Variants in KIAA1671 observed in about 807,000 individuals in gnomAD.
KIAA1671 encodes the protein KIAA1671.
In KIAA1671, 52 loss-of-function variants were observed where a neutral mutation model predicts 131.2. The observed-to-expected ratio is 0.40, with a 90% CI of 0.32 to 0.50. KIAA1671 has a LOEUF of 0.50. Ranked by LOEUF, KIAA1671 falls within the 20% of genes least tolerant of loss-of-function variation. The probability of loss-of-function intolerance (pLI) is 0.73; values close to 1 mark genes in which losing one functional copy is unlikely to be tolerated. For synonymous variants in KIAA1671, 1,003 were observed against 961.6 expected (o/e 1.04, Z -0.80); for missense variants, 2,360 against 2,364.2 (o/e 1.00, Z 0.04).
At chr22:25,134,541 A>G (rs1932588236) in intron 6 of KIAA1671, among the ~76,000 whole-genome samples, 3 of 152,244 alleles carry the variant, frequency 2.0e-5, no homozygotes, top group Admixed American at 6.5e-5. Context: ...TGGAAATAGT[A>G]GTTAAATGTC....
intron 1 of KIAA1671, among the ~76,000 whole-genome samples, chr22:24,976,497 G>A (rs1023675790): frequency 3.3e-5 from 5 of 152,192 alleles, no homozygotes; most frequent in Non-Finnish European, 7.3e-5. Flanking sequence ...GGCAGCATGG[G>A]GGTCTGTCCA....
chr22:24,970,884 G>C (rs1922578951), intron 1 of KIAA1671, among the ~76,000 whole-genome samples: 1 of 152,142 alleles, frequency 6.6e-6, no homozygotes, highest in African/African-American at 2.4e-5. Flanking sequence ...GACTGAGCCA[G>C]ACCCTGTGCT....
chr22:25,049,472 G>C, intron 6 of KIAA1671, 108 bp downstream of exon 6: 1 of 1,272,258 alleles, frequency 7.9e-7, no homozygotes, highest in Non-Finnish European at 1.1e-6. Context: ...CCCTGACGGG[G>C]TTGAGGGCAG....
intron 6 of KIAA1671, among the ~76,000 whole-genome samples, chr22:25,153,676 A>C (rs1310054775): frequency 6.6e-6 from 1 of 152,190 alleles, no homozygotes; most frequent in East Asian, 1.9e-4. Flanking sequence ...CCTGCCCCAC[A>C]GTGTGTGCTC....
At chr22:25,004,951 G>GA (rs898770443) in intron 1 of KIAA1671, among the ~76,000 whole-genome samples, 12 of 141,448 alleles carry the variant, frequency 8.5e-5, no homozygotes, top group East Asian at 4.1e-4. Flanking sequence ...GTCTCAAAAA[G>GA]AAAAAAAAAA....
At chr22:24,981,879 C>A (rs1390436691) in intron 1 of KIAA1671, among the ~76,000 whole-genome samples, 1 of 152,164 alleles carries the variant, frequency 6.6e-6, no homozygotes, top group Non-Finnish European at 1.5e-5. Context: ...TGCACTCCAG[C>A]GTGGGTGACA....
At chr22:25,144,689 A>G (rs1211508086) in intron 6 of KIAA1671, among the ~76,000 whole-genome samples, 5 of 152,110 alleles carry the variant, frequency 3.3e-5, no homozygotes, top group Non-Finnish European at 7.4e-5. Context: ...TCTTGTCCCC[A>G]TTGTGTAGGT....
intron 9 of KIAA1671, among the ~76,000 whole-genome samples, chr22:25,181,140 TCCC>T: frequency 1.3e-5 from 2 of 151,938 alleles, no homozygotes; most frequent in Non-Finnish European, 1.5e-5. Context: ...TAGAAACTCC[TCCC>T]ATATCACTCC....
intron 12 of KIAA1671, 63 bp downstream of exon 12, chr22:25,190,847 AGG>A (rs907540740): frequency 9.0e-6 from 10 of 1,116,052 alleles, no homozygotes; most frequent in Non-Finnish European, 1.3e-5. Flanking sequence ...TGGGGAACTC[AGG>A]GGGGCCACGC....
intron 2 of KIAA1671, 46 bp from the exon 3 acceptor site, chr22:25,027,899 C>G: frequency 1.1e-6 from 1 of 945,434 alleles, no homozygotes; most frequent in South Asian, 1.8e-5. Flanking sequence ...AACCCAGACA[C>G]TGACTGTTTT....
intron 1 of KIAA1671, among the ~76,000 whole-genome samples, chr22:24,987,981 A>G (rs1923641188): frequency 6.6e-6 from 1 of 152,178 alleles, no homozygotes; most frequent in East Asian, 1.9e-4. Context: ...AGGACTGTCA[A>G]GACTCCTGCC....
intron 6 of KIAA1671, among the ~76,000 whole-genome samples, chr22:25,104,034 A>G (rs573666048): frequency 1.3e-5 from 2 of 152,182 alleles, no homozygotes; most frequent in South Asian, 4.1e-4. Flanking sequence ...GCTGGAGTGC[A>G]GTGGCGCAAT....
At chr22:25,096,864 C>T (rs761862556) in intron 6 of KIAA1671, among the ~76,000 whole-genome samples, 9 of 152,206 alleles carry the variant, frequency 5.9e-5, no homozygotes, top group Non-Finnish European at 1.2e-4. Context: ...GTGAACGGAG[C>T]CGTGCACTCT....
At chr22:25,171,726 AAATAAT>A (rs935556650) in intron 7 of KIAA1671, among the ~76,000 whole-genome samples, 13 of 152,014 alleles carry the variant, frequency 8.6e-5, no homozygotes, top group African/African-American at 2.7e-4. Context: ...GTCTAAAAAA[AAATAAT>A]AATAATAATA....
chr22:25,032,048 C>G (rs1211442510), intron 3 of KIAA1671, among the ~76,000 whole-genome samples: 1 of 152,200 alleles, frequency 6.6e-6, no homozygotes, highest in African/African-American at 2.4e-5. Flanking sequence ...GTGGGGAAAA[C>G]GAGGCCCAAA....
chr22:25,086,812 G>C (rs551497614), intron 6 of KIAA1671, among the ~76,000 whole-genome samples: 2 of 152,322 alleles, frequency 1.3e-5, no homozygotes, highest in African/African-American at 4.8e-5. Context: ...TCTGGCTGTG[G>C]AACAGTAACC....
chr22:25,175,558 G>A (rs1176026602), intron 8 of KIAA1671: 2 of 152,182 alleles, frequency 1.3e-5, no homozygotes, highest in Non-Finnish European at 2.9e-5. Flanking sequence ...GTGTCATCAG[G>A]ATTTAGTTAG....
At chr22:25,162,597 C>T in intron 6 of KIAA1671, among the ~76,000 whole-genome samples, 2 of 152,174 alleles carry the variant, frequency 1.3e-5, no homozygotes, top group East Asian at 3.8e-4. Flanking sequence ...CATATTTCTC[C>T]AACAAATGTT....
At chr22:25,071,498 CATTG>C (rs766286530) in intron 6 of KIAA1671, among the ~76,000 whole-genome samples, 29 of 151,842 alleles carry the variant, frequency 1.9e-4, no homozygotes, top group Non-Finnish European at 3.1e-4. Context: ...TGTAAGGCAA[CATTG>C]ATTGATTGAT....
Sources: gnomAD v4.1 joint callset for allele counts (sites outside exome capture counted in the v4.1 genomes callset) on GRCh38, gnomAD v4.1.1 for gene constraint, MANE v1.5 for transcripts, NCBI Gene and HGNC (gene_info 2026-07-23, HGNC 2026-07-21) for gene names.